The following ST6GALNAC5 variants were observed in gnomAD, a reference collection of about 807,000 sequenced individuals.
The protein encoded by ST6GALNAC5 is ST6 N-acetylgalactosaminide alpha-2,6-sialyltransferase 5, also known as alpha-N-acetylgalactosaminide alpha-2,6-sialyltransferase 5.
A neutral mutation model predicts 33.6 loss-of-function variants in ST6GALNAC5; 27 were observed. The ratio of observed to expected loss-of-function variants is 0.80; its 90% confidence interval spans 0.59 to 1.11. The LOEUF (loss-of-function observed/expected upper bound fraction) is 1.11. Among genes scored for constraint, ST6GALNAC5 ranks in the 50% least tolerant of loss-of-function variants. ST6GALNAC5 has a pLI of 0.00. For synonymous variants in ST6GALNAC5, 194 were observed against 171.2 expected, an observed-to-expected ratio of 1.13 and a Z score of -1.04; for missense variants, 428 against 454.0, an observed-to-expected ratio of 0.94 and a Z score of 0.52.
intron 1 of ST6GALNAC5, 61 bp downstream of exon 1, chr1:76,867,751 G>T (rs1454955370): frequency 3.1e-6 from 5 of 1,613,378 alleles, no homozygotes; most frequent in Non-Finnish European, 4.2e-6. Context: ...CAGGGTCCAC[G>T]GGACGCACCG....
intron 2 of ST6GALNAC5, among the ~76,000 whole-genome samples, chr1:76,990,835 A>G (rs1649694198): frequency 6.6e-6 from 1 of 152,202 alleles, no homozygotes; most frequent in Non-Finnish European, 1.5e-5. Flanking sequence ...GTTGAGAGAG[A>G]GTAGCCAAGG....
intron 2 of ST6GALNAC5, among the ~76,000 whole-genome samples, chr1:76,992,348 C>T (rs1169359721): frequency 1.3e-5 from 2 of 152,202 alleles, no homozygotes; most frequent in Non-Finnish European, 2.9e-5. Flanking sequence ...CTGCTGCCAC[C>T]ACCTTCACAT....
chr1:77,058,582 A>C (rs974854873), intron 4 of ST6GALNAC5, among the ~76,000 whole-genome samples: 7 of 152,212 alleles, frequency 4.6e-5, no homozygotes, highest in Admixed American at 4.6e-4. Flanking sequence ...GGCTCTCCCC[A>C]GATGCCCAAC....
intron 2 of ST6GALNAC5, among the ~76,000 whole-genome samples, chr1:76,939,428 A>C (rs1322504877): frequency 6.6e-6 from 1 of 152,064 alleles, no homozygotes; most frequent in Non-Finnish European, 1.5e-5. Context: ...CTGTCGATGG[A>C]AATGCTGTTT....
chr1:76,972,256 C>G (rs1013744936), intron 2 of ST6GALNAC5, among the ~76,000 whole-genome samples: 3 of 152,142 alleles, frequency 2.0e-5, no homozygotes, highest in Non-Finnish European at 2.9e-5. Flanking sequence ...TCTTGTGAGA[C>G]TTATTCACTA....
intron 2 of ST6GALNAC5, among the ~76,000 whole-genome samples, chr1:76,979,475 G>T (rs1453396034): frequency 6.6e-6 from 1 of 152,112 alleles, no homozygotes; most frequent in East Asian, 1.9e-4. Context: ...ATAAATCTAT[G>T]CATTTACAAC....
At chr1:76,943,786 T>G (rs141328704) in intron 2 of ST6GALNAC5, among the ~76,000 whole-genome samples, 37 of 152,238 alleles carry the variant, frequency 2.4e-4, no homozygotes, top group African/African-American at 8.9e-4. Flanking sequence ...CAATGCATAC[T>G]TTGCACTTTT....
intron 2 of ST6GALNAC5, among the ~76,000 whole-genome samples, chr1:76,923,526 G>A (rs1269987789): frequency 6.6e-6 from 1 of 151,770 alleles, no homozygotes; most frequent in Admixed American, 6.6e-5. Flanking sequence ...AACCCCGTCT[G>A]TACTAAAAAT....
At chr1:77,028,274 AC>A (rs1651322453) in intron 2 of ST6GALNAC5, among the ~76,000 whole-genome samples, 1 of 152,222 alleles carries the variant, frequency 6.6e-6, no homozygotes, top group African/African-American at 2.4e-5. Flanking sequence ...TAAGTCTTGC[AC>A]CTGAAAAACC....
At chr1:76,919,246 C>A (rs959321179) in intron 2 of ST6GALNAC5, among the ~76,000 whole-genome samples, 1 of 152,144 alleles carries the variant, frequency 6.6e-6, no homozygotes, top group African/African-American at 2.4e-5. Flanking sequence ...ATGCCTCAGC[C>A]TGGCTCAGAC....
intron 2 of ST6GALNAC5, among the ~76,000 whole-genome samples, chr1:76,915,895 A>G (rs562284282): frequency 3.5e-5 from 4 of 113,980 alleles, no homozygotes; most frequent in African/African-American, 1.1e-4. Flanking sequence ...ACAAAAAAAC[A>G]AAAAACTTCC....
chr1:76,966,510 G>C (rs970420665), intron 2 of ST6GALNAC5, among the ~76,000 whole-genome samples: 1 of 152,144 alleles, frequency 6.6e-6, no homozygotes, highest in Non-Finnish European at 1.5e-5. Flanking sequence ...TGAGACGATG[G>C]GGTTTTCTAA....
chr1:76,965,363 T>C (rs971816514), intron 2 of ST6GALNAC5, among the ~76,000 whole-genome samples: 6 of 152,236 alleles, frequency 3.9e-5, no homozygotes, highest in Non-Finnish European at 8.8e-5. Flanking sequence ...TGATGACCAG[T>C]GATGATGAGC....
intron 2 of ST6GALNAC5, among the ~76,000 whole-genome samples, chr1:76,896,795 G>A (rs1030662609): frequency 2.6e-5 from 4 of 152,180 alleles, no homozygotes; most frequent in Admixed American, 2.6e-4. Flanking sequence ...AATGTAGAGA[G>A]TGTGTTGAGC....
At chr1:76,917,535 AT>A (rs1324111095) in intron 2 of ST6GALNAC5, among the ~76,000 whole-genome samples, 1 of 152,094 alleles carries the variant, frequency 6.6e-6, no homozygotes, top group Non-Finnish European at 1.5e-5. Flanking sequence ...GTTATAAATA[AT>A]TTAAAATTTT....
chr1:76,933,387 A>C lies in ST6GALNAC5; in HGVS notation c.261+64645A>C, dbSNP rs1032940966. ...TCAGGGAGCTAACATTGTTGTATGC[A>C]TGCAGAGGGGAAAAGGAAAGGGAGT... On this transcript the variant is annotated intron_variant, in intron 2 of 4. Coordinates refer to ENST00000477717, the MANE Select transcript of ST6GALNAC5 (RefSeq NM_030965.3). 8.5e-5 allele frequency among the ~76,000 whole-genome samples: 13 copies of C among 152,200 alleles called. No homozygotes were observed. In the East Asian group the frequency reaches 2.5e-3, roughly 29 times the overall value.
chr1:76,894,709 C>G (rs934249923), intron 2 of ST6GALNAC5, among the ~76,000 whole-genome samples: 1 of 152,082 alleles, frequency 6.6e-6, no homozygotes, highest in African/African-American at 2.4e-5. Context: ...AAATACGTTG[C>G]AGGTGGTGGG....
intron 2 of ST6GALNAC5, among the ~76,000 whole-genome samples, chr1:76,927,074 T>G (rs1647093402): frequency 6.6e-6 from 1 of 152,110 alleles, no homozygotes; most frequent in Non-Finnish European, 1.5e-5. Context: ...TGTCAGGTAT[T>G]GCAAATATTT....
chr1:76,878,518 A>G (rs935534322), intron 2 of ST6GALNAC5, among the ~76,000 whole-genome samples: 2 of 152,164 alleles, frequency 1.3e-5, no homozygotes, highest in African/African-American at 4.8e-5. Context: ...AAAATGTCTG[A>G]TCATTTCCCT....
Sources: gnomAD v4.1 joint callset for allele counts (sites outside exome capture counted in the v4.1 genomes callset) on GRCh38, gnomAD v4.1.1 for gene constraint, MANE v1.5 for transcripts, NCBI Gene and HGNC (gene_info 2026-07-23, HGNC 2026-07-21) for gene names.